The following HCN1 variants were observed in gnomAD, a reference collection of about 807,000 sequenced individuals.
HCN1 encodes hyperpolarization activated cyclic nucleotide gated potassium channel 1, also known as potassium/sodium hyperpolarization-activated cyclic nucleotide-gated channel 1.
In HCN1, 13 loss-of-function variants were observed where a neutral mutation model predicts 78.9. That is an observed-to-expected ratio of 0.16 (90% CI 0.11 to 0.26). The LOEUF (loss-of-function observed/expected upper bound fraction) is 0.26. HCN1 is among the 10% of genes least tolerant of loss of function. The probability of loss-of-function intolerance (pLI) is 1.00; values close to 1 mark genes in which losing one functional copy is unlikely to be tolerated. For missense variants in HCN1, 810 were observed against 1,154.3 expected (o/e 0.70, Z 4.32); for synonymous variants, 552 against 455.5 (o/e 1.21, Z -2.70).
chr5:45,397,081 G>A (rs1579867449), intron 3 of HCN1, among the ~76,000 whole-genome samples: 1 of 152,130 alleles, frequency 6.6e-6, no homozygotes, highest in East Asian at 1.9e-4. Context: ...GCTATGAAAT[G>A]CAGCAGACAG....
chr5:45,597,340 C>A (rs527673517), intron 2 of HCN1, among the ~76,000 whole-genome samples: 1 of 152,134 alleles, frequency 6.6e-6, no homozygotes, highest in Non-Finnish European at 1.5e-5. Flanking sequence ...TCAATAGATG[C>A]AGAAAAGGCC....
intron 6 of HCN1, among the ~76,000 whole-genome samples, chr5:45,292,683 A>G (rs543703091): frequency 6.6e-6 from 1 of 152,126 alleles, no homozygotes; most frequent in South Asian, 2.1e-4. Flanking sequence ...TTATTCTCAA[A>G]GAATGAGAAT....
chr5:45,257,742 A>G lies in HCN1; in HGVS notation c.*4179T>C, dbSNP rs1744648367. 6.6e-6 allele frequency: 1 copy of G among 152,228 alleles called. No individual in the cohort carries two copies. The highest frequency in any genetic ancestry group is 2.4e-5 in the African/African-American group (1 of 41,456). 9.4% of individuals were successfully genotyped at this position (152,228 alleles called of 1,614,324 possible). On this transcript the variant is annotated 3_prime_UTR_variant, in exon 8 of 8. Coordinates refer to ENST00000303230, the MANE Select transcript of HCN1 (RefSeq NM_021072.4). ...GGTGTACTTCCCTAAGTACAATAGC[A>G]AATCTTTCAAAGAAAATTTCTATCC...
intron 2 of HCN1, among the ~76,000 whole-genome samples, chr5:45,621,650 T>C (rs754831902): frequency 6.6e-6 from 1 of 152,290 alleles, no homozygotes; most frequent in East Asian, 1.9e-4. Flanking sequence ...TAGGTCTATA[T>C]GACTACAGTA....
At chr5:45,334,146 T>A (rs1746403973) in intron 5 of HCN1, among the ~76,000 whole-genome samples, 1 of 151,938 alleles carries the variant, frequency 6.6e-6, no homozygotes. Context: ...AAGCTTATAT[T>A]TTAGTTGTAT....
chr5:45,551,109 A>C (rs1579964327), intron 2 of HCN1, among the ~76,000 whole-genome samples: 1 of 151,984 alleles, frequency 6.6e-6, no homozygotes, highest in South Asian at 2.1e-4. Context: ...TTAGCATTTT[A>C]TAATAATCCA....
intron 6 of HCN1, among the ~76,000 whole-genome samples, chr5:45,298,889 A>G (rs746138140): frequency 6.6e-6 from 1 of 152,038 alleles, no homozygotes; most frequent in Non-Finnish European, 1.5e-5. Flanking sequence ...GTCAACATCA[A>G]CAGCAATAAG....
intron 5 of HCN1, among the ~76,000 whole-genome samples, chr5:45,344,106 C>T (rs1433753387): frequency 1.3e-5 from 2 of 152,060 alleles, no homozygotes; most frequent in African/African-American, 2.4e-5. Flanking sequence ...GGGAAGCAAA[C>T]ATGTCCTTCT....
At chr5:45,580,176 G>A (rs899477874) in intron 2 of HCN1, among the ~76,000 whole-genome samples, 2 of 152,058 alleles carry the variant, frequency 1.3e-5, no homozygotes, top group African/African-American at 4.8e-5. Context: ...TTAAGGTTGT[G>A]GAGGTAATTA....
chr5:45,314,739 A>G (rs1440940566), intron 5 of HCN1, among the ~76,000 whole-genome samples: 1 of 152,198 alleles, frequency 6.6e-6, no homozygotes, highest in East Asian at 1.9e-4. Context: ...CAAATAGAAA[A>G]CAAAAAAAGG....
chr5:45,677,722 T>G (rs1739605175), intron 1 of HCN1, among the ~76,000 whole-genome samples: 1 of 151,794 alleles, frequency 6.6e-6, no homozygotes, highest in Admixed American at 6.6e-5. Flanking sequence ...CGAGTAAATC[T>G]AAGTTCCCCT....
intron 3 of HCN1, among the ~76,000 whole-genome samples, chr5:45,461,333 C>A (rs751279767): frequency 1.2e-4 from 18 of 151,834 alleles, no homozygotes; most frequent in Non-Finnish European, 2.7e-4. Context: ...TAAAGCCTAC[C>A]TTTTCCCCGA....
At chr5:45,670,464 T>C (rs1295537580) in intron 1 of HCN1, among the ~76,000 whole-genome samples, 2 of 151,710 alleles carry the variant, frequency 1.3e-5, no homozygotes, top group African/African-American at 2.4e-5. Flanking sequence ...GCATTTTCCT[T>C]AAGGGATGTA....
At chr5:45,610,602 C>T (rs182512220) in intron 2 of HCN1, among the ~76,000 whole-genome samples, 257 of 149,646 alleles carry the variant, frequency 1.7e-3, no homozygotes, top group African/African-American at 5.6e-3. Flanking sequence ...AAATGCCAGA[C>T]ATCTTATGGT....
At chr5:45,448,984 C>G (rs925719211) in intron 3 of HCN1, among the ~76,000 whole-genome samples, 1 of 152,028 alleles carries the variant, frequency 6.6e-6, no homozygotes, top group African/African-American at 2.4e-5. Flanking sequence ...TGTGGTGGCC[C>G]GTGCCTGTAG....
At position 45,517,237 on chromosome 5, in the gene HCN1, T is replaced by TAATC. The variant is rs762177685; in HGVS notation, c.850-55234_850-55231dup. Among the ~76,000 whole-genome samples, 3 of 152,064 alleles carry TAATC rather than the reference T, an allele frequency of 2.0e-5. No homozygotes were observed. In the South Asian group the frequency reaches 6.2e-4, roughly 32 times the overall value. ...AGTCAGAACAGACAGGAATAATCTCTAATCAGACACAATTTCTAGTGGGGT... is the reference window on the plus strand; with the variant it reads ...AGTCAGAACAGACAGGAATAATCTCTAATCAATCAGACACAATTTCTAGTGGGGT... On this transcript the variant is annotated intron_variant, in intron 2 of 7. Transcript: ENST00000303230.
Position 45,645,337 on chromosome 5 carries a change from C to A in HCN1, c.697G>T (p.Asp233Tyr). The A allele has an allele frequency of 6.2e-7, 1 of 1,613,584 alleles. No homozygotes were observed. The highest frequency in any genetic ancestry group is 8.5e-7 in the Non-Finnish European group (1 of 1,179,812). The change falls in exon 2 of 8, where the codon GAT (aspartate) becomes TAT (tyrosine). Residue 233 changes from aspartate to tyrosine, a missense_variant. Around this residue, in one of 6 missense-constraint regions of HCN1, gnomAD observed 104 missense variants for 402.8 expected, o/e 0.26. Transcript: ENST00000303230. ...VVDFISSIPVDYIFLIVEKGM... is the reference protein window; with the variant it reads ...VVDFISSIPVYYIFLIVEKGM... ...TTTTCTACAATAAGAAAGATATAATCCACTGGGATGGATGAGATGAAGTCA... is the reference window on the plus strand; with the variant it reads ...TTTTCTACAATAAGAAAGATATAATACACTGGGATGGATGAGATGAAGTCA...
intron 4 of HCN1, among the ~76,000 whole-genome samples, chr5:45,372,013 T>C (rs113519462): frequency 1.3e-5 from 1 of 75,428 alleles, no homozygotes; most frequent in Non-Finnish European, 2.3e-5. Context: ...GTATATATCA[T>C]ATAATATATA....
chr5:45,348,905 C>T (rs189747893), intron 5 of HCN1, among the ~76,000 whole-genome samples: 35 of 152,280 alleles, frequency 2.3e-4, no homozygotes, highest in Non-Finnish European at 4.9e-4. Context: ...GAGACTTAGA[C>T]TCCCACACAA....
Sources: allele counts gnomAD v4.1 joint callset (sites outside exome capture counted in the v4.1 genomes callset), GRCh38; gene constraint gnomAD v4.1.1; regional missense constraint gnomAD v4.1.1; transcripts MANE v1.5; gene names NCBI Gene and HGNC (gene_info 2026-07-23, HGNC 2026-07-21).